The following HTT variants were observed in gnomAD, a reference collection of about 807,000 sequenced individuals.
The protein encoded by HTT is huntingtin.
Under a neutral mutation model 362.3 loss-of-function variants are expected in HTT, and 104 were observed. The observed-to-expected ratio is 0.29, with a 90% CI of 0.24 to 0.34. The LOEUF (loss-of-function observed/expected upper bound fraction) is 0.34, where lower values mean the gene tolerates loss of function less well. Ranked by LOEUF, HTT falls within the 10% of genes least tolerant of loss-of-function variation. HTT has a pLI of 1.00. For missense variants in HTT, 3,301 were observed against 3,928.6 expected, an observed-to-expected ratio of 0.84 and a Z score of 4.27; for synonymous variants, 1,577 against 1,548.7, an observed-to-expected ratio of 1.02 and a Z score of -0.43.
intron 4 of HTT, among the ~76,000 whole-genome samples, chr4:3,104,568 A>G (rs542302423): frequency 9.1e-4 from 139 of 152,168 alleles, no homozygotes; most frequent in African/African-American, 3.3e-3. Flanking sequence ...AGATCACGCC[A>G]CTGCATTCCA....
At chr4:3,195,477 CT>C in intron 40 of HTT, among the ~76,000 whole-genome samples, 1 of 152,204 alleles carries the variant, frequency 6.6e-6, no homozygotes, top group African/African-American at 2.4e-5. Context: ...TTCTCTTCCC[CT>C]GAGTCCCTTT....
At chr4:3,095,396 C>G (rs540839436) in intron 2 of HTT, among the ~76,000 whole-genome samples, 1 of 152,194 alleles carries the variant, frequency 6.6e-6, no homozygotes, top group Non-Finnish European at 1.5e-5. Context: ...CATGGCGGTG[C>G]GTGCCTGCAA....
intron 42 of HTT, among the ~76,000 whole-genome samples, chr4:3,204,532 T>C (rs964925856): frequency 6.6e-6 from 1 of 152,238 alleles, no homozygotes; most frequent in African/African-American, 2.4e-5. Context: ...ATTTTAAATT[T>C]TTTTAAAAAT....
rs958275343 is a variant in HTT at position 3,228,116 on chromosome 4, G to A, written c.7849-499G>A. 2.6e-5 allele frequency among the ~76,000 whole-genome samples: 4 copies of A among 152,204 alleles called. No individual in the cohort carries two copies. Among genetic ancestry groups the A allele is most frequent in the African/African-American group, 4.8e-5 (2 of 41,456 alleles). Reference sequence around the variant, plus strand: ...CACAGCACTGTGCCAAGTGCTCGAGGCTTCCCGAGAACCAGGCAGAAAGGA... The same window carrying A: ...CACAGCACTGTGCCAAGTGCTCGAGACTTCCCGAGAACCAGGCAGAAAGGA... On this transcript the variant is annotated intron_variant, in intron 57 of 66. Transcript: ENST00000355072. The surrounding 1 kb of genome is among the most constrained non-coding windows in gnomAD (Gnocchi z 4.3).
At chr4:3,229,701 C>T (rs529090476) in intron 59 of HTT, among the ~76,000 whole-genome samples, 186 bp from the exon 60 acceptor site, 35 of 152,206 alleles carry the variant, frequency 2.3e-4, no homozygotes, top group South Asian at 6.2e-4. Flanking sequence ...ACATGCACCA[C>T]GTGTACCACG....
At chr4:3,146,734 A>G in intron 24 of HTT, 63 bp from the exon 25 acceptor site, 1 of 1,472,802 alleles carries the variant, frequency 6.8e-7, no homozygotes, top group African/African-American at 1.4e-5. Context: ...TTGCAAGAGA[A>G]AGGAAGACTG....
At position 3,243,135 on chromosome 4, in the gene HTT, G is replaced by T. The variant is rs1156940463; in HGVS notation, c.*3076G>T. ...GGAGCTGAGATGAGCCCCACGTGGAGCTCGGGACGGATAGTAGACAGCAAT... is the reference window on the plus strand; with the variant it reads ...GGAGCTGAGATGAGCCCCACGTGGATCTCGGGACGGATAGTAGACAGCAAT... On this transcript the variant is annotated 3_prime_UTR_variant, in exon 67 of 67. Transcript: ENST00000355072. The T allele has an allele frequency of 6.6e-6, 1 of 152,650 alleles. No individual in the cohort carries two copies. Among genetic ancestry groups the T allele is most frequent in the Admixed American group, 6.5e-5 (1 of 15,290 alleles). 9.5% of individuals were successfully genotyped at this position (152,650 alleles called of 1,614,324 possible).
intron 6 of HTT, among the ~76,000 whole-genome samples, chr4:3,112,355 C>G (rs944622963): frequency 2.0e-4 from 31 of 152,274 alleles, no homozygotes; most frequent in Non-Finnish European, 4.1e-4. Context: ...GAACTTAACC[C>G]TTGTAACCGC....
chr4:3,236,556 G>A (rs1247338659), intron 64 of HTT, among the ~76,000 whole-genome samples: 1 of 152,192 alleles, frequency 6.6e-6, no homozygotes, highest in Non-Finnish European at 1.5e-5. Context: ...GGGCAGGAAT[G>A]ACCAGCCTCT....
chr4:3,157,952 TATCA>T (rs1717233767), intron 28 of HTT, among the ~76,000 whole-genome samples: 1 of 152,134 alleles, frequency 6.6e-6, no homozygotes, highest in African/African-American at 2.4e-5. Flanking sequence ...TATTTTGTTA[TATCA>T]ATCTATCTGT....
chr4:3,091,998 A>ATTT (rs1243104226), intron 2 of HTT, among the ~76,000 whole-genome samples: 1 of 152,132 alleles, frequency 6.6e-6, no homozygotes, highest in Non-Finnish European at 1.5e-5. Context: ...TACCACTAAA[A>ATTT]GGGGATTGAA....
At position 3,074,716 on chromosome 4, in the gene HTT, G is replaced by C. The variant is rs1175405639; in HGVS notation, c.-110G>C. On this transcript the variant is annotated 5_prime_UTR_variant, in exon 1 of 67. Transcript: ENST00000355072. The stretch of plus-strand genomic sequence containing the variant: ...CGGGTCCAAGATGGACGGCCGCTCA[G>C]GTTCTGCTTTTACCTGCGGCCCAGA... 1.6e-5 allele frequency: 19 copies of C among 1,200,886 alleles called. No individual in the cohort carries two copies. Among genetic ancestry groups the C allele is most frequent in the East Asian group, 3.2e-5 (1 of 31,036 alleles). The allele number at this position is 1,200,886 out of a possible 1,614,324, so 74.4% of individuals were successfully genotyped here. A position where few individuals can be genotyped will look rare whatever the true frequency, so the allele number is the denominator to read the frequency against.
At chr4:3,140,338 T>C (rs1159993985) in intron 21 of HTT, among the ~76,000 whole-genome samples, 172 bp from the exon 22 acceptor site, 1 of 151,324 alleles carries the variant, frequency 6.6e-6, no homozygotes, top group African/African-American at 2.4e-5. Flanking sequence ...GACCCTGAGA[T>C]TGGAGACAAC....
chr4:3,102,601 A>C (rs1233593705), intron 3 of HTT, among the ~76,000 whole-genome samples: 1 of 152,196 alleles, frequency 6.6e-6, no homozygotes, highest in African/African-American at 2.4e-5. Flanking sequence ...TTGCTGACCC[A>C]ATAGGTTAAC....
chr4:3,098,386 T>G (rs1336649856), intron 2 of HTT, among the ~76,000 whole-genome samples: 5 of 152,176 alleles, frequency 3.3e-5, no homozygotes, highest in African/African-American at 1.2e-4. Context: ...GGTTTCAGAG[T>G]AGTTAGATTG....
chr4:3,232,052 T>G (rs111921198), intron 60 of HTT, among the ~76,000 whole-genome samples: 1 of 152,164 alleles, frequency 6.6e-6, no homozygotes. Context: ...CCCACCGTTG[T>G]GAAATCCGTG....
intron 41 of HTT, among the ~76,000 whole-genome samples, chr4:3,202,675 G>A (rs538167986): frequency 2.6e-4 from 39 of 152,010 alleles, no homozygotes; most frequent in Non-Finnish European, 3.8e-4. Flanking sequence ...CCACCAATCC[G>A]TGCTCTGTCC....
chr4:3,212,593 A>G lies in HTT; in HGVS notation c.6658A>G (p.Thr2220Ala), dbSNP rs1720214116. ...TGCTGCACTGTATCAGTCCCTGCCC[A>G]CTCTGGCCCGGGCCCTGGCACAGTA... ...GDAALYQSLP[T>A]LARALAQYLV... is the part of the protein sequence containing the mutation. The change falls in exon 49 of 67, where the codon ACT becomes GCT. Residue 2220 changes from threonine (T) to alanine (A), a missense_variant. By Grantham distance (58) the Thr-to-Ala change is moderately conservative. Transcript: ENST00000355072. The G allele has an allele frequency of 6.2e-7, 1 of 1,614,066 alleles. No individual in the cohort carries two copies. The highest frequency in any genetic ancestry group is 1.6e-4 in the Middle Eastern group (1 of 6,062).
chr4:3,116,217 C>G lies in HTT; in HGVS notation c.1022C>G (p.Thr341Arg). 1 of 1,613,782 alleles carries G rather than the reference C, an allele frequency of 6.2e-7. No homozygotes were observed. Among genetic ancestry groups the G allele is most frequent in the Non-Finnish European group, 8.5e-7 (1 of 1,179,680 alleles). ...DTSLKGSFGVTRKEMEVSPSA... is the reference protein window; with the variant it reads ...DTSLKGSFGVRRKEMEVSPSA... ...AGCCTGAAAGGCAGCTTCGGAGTGA[C>G]AAGGAAAGAAATGGAAGTCTCTCCT... The change falls in exon 8 of 67, where the codon ACA becomes AGA. Residue 341 changes from threonine to arginine, a missense_variant. This residue lies in a region of HTT where 2,316 missense variants were observed against 2,658.5 expected (regional missense o/e 0.87). Transcript: ENST00000355072.
Sources: allele counts gnomAD v4.1 joint callset (sites outside exome capture counted in the v4.1 genomes callset), GRCh38; gene constraint gnomAD v4.1.1; regional missense constraint gnomAD v4.1.1; non-coding constraint Gnocchi (gnomAD v3.1); transcripts MANE v1.5; gene names NCBI Gene and HGNC (gene_info 2026-07-23, HGNC 2026-07-21).